The following RAP1A variants were observed in gnomAD, a reference collection of about 807,000 sequenced individuals.
RAP1A encodes RAP1A, member of RAS oncogene family, also known as ras-related protein Rap-1A.
In RAP1A, 6 loss-of-function variants were observed where a neutral mutation model predicts 26.4. The observed-to-expected ratio is 0.23, with a 90% CI of 0.12 to 0.45. RAP1A has a LOEUF of 0.45. Ranked by LOEUF, RAP1A falls within the 20% of genes least tolerant of loss-of-function variation. The pLI is 0.99. For missense variants in RAP1A, 121 were observed against 217.2 expected (o/e 0.56, Z 2.78); for synonymous variants, 73 against 79.4 (o/e 0.92, Z 0.43).
Position 111,585,400 on chromosome 1 carries a change from T to TA in RAP1A, c.-28+42894dup, listed in dbSNP as rs1416624941. ...CAGCAAGGCCGGTGATTAAGGAGATTAAATAGATCTGGATGATGGATACAA... is the reference window on the plus strand; with the variant it reads ...CAGCAAGGCCGGTGATTAAGGAGATTAAAATAGATCTGGATGATGGATACAA... On this transcript the variant is annotated intron_variant, in intron 1 of 7. Coordinates refer to the RAP1A transcript ENST00000356415. Among the ~76,000 whole-genome samples the TA allele has an allele frequency of 8.5e-5, 13 of 152,240 alleles. No individual in the cohort carries two copies. The East Asian group carries it at 2.3e-3, about 27-fold the overall frequency.
intron 1 of RAP1A, among the ~76,000 whole-genome samples, chr1:111,586,491 G>A (rs1420845840): frequency 1.3e-5 from 2 of 152,206 alleles, no homozygotes; most frequent in Non-Finnish European, 2.9e-5. Context: ...GCTGAGGTGG[G>A]AGGATTGCTT....
intron 1 of RAP1A, among the ~76,000 whole-genome samples, chr1:111,553,547 G>T (rs1338090352): frequency 6.6e-6 from 1 of 152,170 alleles, no homozygotes; most frequent in Non-Finnish European, 1.5e-5. Flanking sequence ...TAGCCGGTAT[G>T]CTGTTACAAA....
At chr1:111,692,258 A>G (rs1661693518) in intron 2 of RAP1A, among the ~76,000 whole-genome samples, 1 of 152,166 alleles carries the variant, frequency 6.6e-6, no homozygotes, top group Admixed American at 6.5e-5. Flanking sequence ...AAGAAGGGAA[A>G]CAGTGGAGAA....
At chr1:111,561,875 T>C (rs544535157) in intron 1 of RAP1A, among the ~76,000 whole-genome samples, 1 of 152,200 alleles carries the variant, frequency 6.6e-6, no homozygotes, top group African/African-American at 2.4e-5. Context: ...CCAAGCATTT[T>C]TGGCCCGGAC....
At chr1:111,574,783 C>T (rs1571478624) in intron 1 of RAP1A, among the ~76,000 whole-genome samples, 1 of 152,092 alleles carries the variant, frequency 6.6e-6, no homozygotes, top group Middle Eastern at 3.4e-3. Flanking sequence ...AGTGTAGTAC[C>T]AGATAGGTTT....
At chr1:111,705,187 A>G (rs1201009362) in intron 6 of RAP1A, among the ~76,000 whole-genome samples, 2 of 152,210 alleles carry the variant, frequency 1.3e-5, no homozygotes, top group East Asian at 3.8e-4. Flanking sequence ...AGTCAACCTT[A>G]AATAGTTCCC....
chr1:111,696,325 C>A (rs1661826257), intron 3 of RAP1A, among the ~76,000 whole-genome samples: 1 of 152,154 alleles, frequency 6.6e-6, no homozygotes, highest in South Asian at 2.1e-4. Context: ...AGTGCTGTAA[C>A]TTTTGTTGAA....
intron 1 of RAP1A, among the ~76,000 whole-genome samples, chr1:111,600,987 TG>T (rs1658659472): frequency 6.6e-6 from 1 of 152,128 alleles, no homozygotes; most frequent in South Asian, 2.1e-4. Flanking sequence ...GGTAGGCAGA[TG>T]TGAGTTTCAG....
chr1:111,636,061 T>A (rs1184867525), intron 1 of RAP1A, among the ~76,000 whole-genome samples: 1 of 152,126 alleles, frequency 6.6e-6, no homozygotes, highest in Non-Finnish European at 1.5e-5. Flanking sequence ...GACTTAATAG[T>A]TTAGACCTAA....
At chr1:111,665,508 A>G (rs1660774086) in intron 1 of RAP1A, among the ~76,000 whole-genome samples, 1 of 152,130 alleles carries the variant, frequency 6.6e-6, no homozygotes, top group Non-Finnish European at 1.5e-5. Flanking sequence ...ATGGCCTTAA[A>G]TTTTTTCTGC....
In RAP1A at chr1:111,619,790, C is replaced by G; in HGVS notation, c.-172C>G. 2 of 398,036 alleles carry G rather than the reference C, an allele frequency of 5.0e-6. No homozygotes were observed. Among genetic ancestry groups the G allele is most frequent in the Non-Finnish European group, 8.9e-6 (2 of 225,964 alleles). The allele number at this position is 398,036 out of a possible 1,614,324, so 24.7% of individuals were successfully genotyped here. ...CGTGCGCGTTCTGGAGGAGGCGCCG[C>G]CGCCGCTCCCGAGGCCCCTGCCGCC... On this transcript the variant is annotated 5_prime_UTR_variant, in exon 1 of 8. Transcript: ENST00000369709.
intron 1 of RAP1A, among the ~76,000 whole-genome samples, chr1:111,594,280 C>T (rs1375762290): frequency 6.6e-6 from 1 of 152,062 alleles, no homozygotes; most frequent in Non-Finnish European, 1.5e-5. Context: ...GATTCACACC[C>T]TAGGCAACAT....
In RAP1A at chr1:111,674,888, G is replaced by A. The variant is rs551550327; in HGVS notation, c.-27-16446G>A. Among the ~76,000 whole-genome samples, 15 of 152,144 alleles carry A rather than the reference G, an allele frequency of 9.9e-5. No individual in the cohort carries two copies. The South Asian group carries it at 2.9e-3, about 29-fold the overall frequency. On this transcript the variant is annotated intron_variant, in intron 1 of 7. Coordinates refer to ENST00000369709, the MANE Select transcript of RAP1A (RefSeq NM_002884.4). Reference sequence around the variant, plus strand: ...TTCCTAGCTATTCTCCCTGCCTCTAGTCTCTTCTTTCTTCAGTCCATCTTG... The same window carrying A: ...TTCCTAGCTATTCTCCCTGCCTCTAATCTCTTCTTTCTTCAGTCCATCTTG...
intron 1 of RAP1A, among the ~76,000 whole-genome samples, chr1:111,676,894 A>G (rs567879755): frequency 1.3e-5 from 2 of 152,000 alleles, no homozygotes; most frequent in Admixed American, 1.3e-4. Flanking sequence ...CCCATGTTCA[A>G]GCAATTCTCC....
At chr1:111,699,029 G>C (rs1398477079) in intron 4 of RAP1A, among the ~76,000 whole-genome samples, 2 of 151,556 alleles carry the variant, frequency 1.3e-5, no homozygotes, top group Non-Finnish European at 2.9e-5. Context: ...CTATCACAGA[G>C]ATCTTTACTT....
At chr1:111,672,338 C>T (rs1389131315) in intron 1 of RAP1A, among the ~76,000 whole-genome samples, 2 of 151,878 alleles carry the variant, frequency 1.3e-5, no homozygotes, top group Admixed American at 1.3e-4. Flanking sequence ...CATTTATTTT[C>T]AGTTTGTTGA....
intron 1 of RAP1A, among the ~76,000 whole-genome samples, chr1:111,594,634 A>G (rs1557860422): frequency 6.6e-6 from 1 of 152,166 alleles, no homozygotes; most frequent in Admixed American, 6.5e-5. Context: ...AAAAGAAAAA[A>G]ACAAAGACCG....
At chr1:111,569,265 G>A (rs186787984) in intron 1 of RAP1A, among the ~76,000 whole-genome samples, 104 of 152,108 alleles carry the variant, frequency 6.8e-4, no homozygotes, top group African/African-American at 2.4e-3. Flanking sequence ...GCCATGAATG[G>A]TGGCGTGCAC....
chr1:111,663,964 G>A (rs1660712842), intron 1 of RAP1A, among the ~76,000 whole-genome samples: 1 of 152,044 alleles, frequency 6.6e-6, no homozygotes, highest in African/African-American at 2.4e-5. Flanking sequence ...TACTCATAGA[G>A]CTTTCTTTTT....
Sources: allele counts gnomAD v4.1 joint callset (sites outside exome capture counted in the v4.1 genomes callset), GRCh38; gene constraint gnomAD v4.1.1; transcripts MANE v1.5; gene names NCBI Gene and HGNC (gene_info 2026-07-23, HGNC 2026-07-21).